The following GNAQ variants were observed in gnomAD, a reference collection of about 807,000 sequenced individuals.
GNAQ encodes guanine nucleotide-binding protein G(q) subunit alpha.
GNAQ carries 8 observed loss-of-function variants against 43.9 expected under a neutral mutation model. That is an observed-to-expected ratio of 0.18 (90% CI 0.11 to 0.33). The LOEUF (loss-of-function observed/expected upper bound fraction) is 0.33, where lower values mean the gene tolerates loss of function less well. Among genes scored for constraint, GNAQ ranks in the 10% least tolerant of loss-of-function variants. GNAQ has a pLI of 1.00. For synonymous variants in GNAQ, 155 were observed against 170.7 expected (o/e 0.91, Z 0.71); for missense variants, 158 against 450.8 (o/e 0.35, Z 5.88).
At chr9:77,950,928 AT>A (rs1822966625) in intron 1 of GNAQ, among the ~76,000 whole-genome samples, 1 of 152,138 alleles carries the variant, frequency 6.6e-6, no homozygotes. Flanking sequence ...AAACATCTAT[AT>A]TTAAAAAGGT....
intron 2 of GNAQ, among the ~76,000 whole-genome samples, chr9:77,825,061 C>A (rs945307774): frequency 3.9e-5 from 6 of 152,060 alleles, no homozygotes; most frequent in Admixed American, 3.9e-4. Flanking sequence ...TTGTGTCTTT[C>A]GTATTTTGTG....
intron 2 of GNAQ, among the ~76,000 whole-genome samples, chr9:77,849,867 T>C (rs1255137083): frequency 6.6e-6 from 1 of 152,194 alleles, no homozygotes; most frequent in African/African-American, 2.4e-5. Flanking sequence ...AGTCTCATCA[T>C]GTTGCCCAGG....
intron 1 of GNAQ, among the ~76,000 whole-genome samples, chr9:77,994,554 T>C (rs1191209039): frequency 1.3e-5 from 2 of 152,196 alleles, no homozygotes; most frequent in South Asian, 4.1e-4. Context: ...CCGGCAGCCA[T>C]ATTAATTTAA....
At chr9:77,880,128 T>C (rs1828186053) in intron 2 of GNAQ, among the ~76,000 whole-genome samples, 1 of 152,164 alleles carries the variant, frequency 6.6e-6, no homozygotes, top group Non-Finnish European at 1.5e-5. Flanking sequence ...ACAAGGAAGC[T>C]TGATGGCAAT....
chr9:77,756,343 A>G (rs938239157), intron 5 of GNAQ, among the ~76,000 whole-genome samples: 58 of 152,262 alleles, frequency 3.8e-4, no homozygotes, highest in African/African-American at 1.2e-3. Flanking sequence ...CTGAAAAGCC[A>G]TAACTGCAGA....
At chr9:77,804,625 CAAATCCAACCAGACACAATAGGAT>C (rs1826797284) in intron 3 of GNAQ, among the ~76,000 whole-genome samples, 1 of 152,160 alleles carries the variant, frequency 6.6e-6, no homozygotes, top group African/African-American at 2.4e-5. Context: ...AAATTTCATG[CAAATCCAACCAGACACAATAGGAT>C]AAATGAAATC....
chr9:77,894,653 C>T (rs1828471469), intron 2 of GNAQ, among the ~76,000 whole-genome samples: 1 of 150,960 alleles, frequency 6.6e-6, no homozygotes, highest in Non-Finnish European at 1.5e-5. Flanking sequence ...GATCCCTTGA[C>T]CTTGTGATCC....
At chr9:77,898,076 A>T (rs1828532484) in intron 2 of GNAQ, among the ~76,000 whole-genome samples, 1 of 152,206 alleles carries the variant, frequency 6.6e-6, no homozygotes, top group Admixed American at 6.5e-5. Context: ...ATGGAAGAGT[A>T]ATATCTGTAG....
chr9:77,844,662 T>C (rs763112817), intron 2 of GNAQ, among the ~76,000 whole-genome samples: 5 of 152,106 alleles, frequency 3.3e-5, no homozygotes, highest in Non-Finnish European at 7.4e-5. Context: ...CCTTTTTACA[T>C]TTTTTATTTA....
intron 2 of GNAQ, among the ~76,000 whole-genome samples, chr9:77,834,663 C>T (rs868019642): frequency 1.3e-5 from 2 of 152,136 alleles, no homozygotes; most frequent in Middle Eastern, 3.2e-3. Flanking sequence ...CAATCAGATT[C>T]CCAGCCTGGA....
At chr9:77,747,007 C>T (rs1307547609) in intron 5 of GNAQ, among the ~76,000 whole-genome samples, 3 of 151,798 alleles carry the variant, frequency 2.0e-5, no homozygotes, top group African/African-American at 7.3e-5. Context: ...GATTTTTAAA[C>T]TTAAAAAAAG....
chr9:77,893,066 A>G (rs1036298599), intron 2 of GNAQ, among the ~76,000 whole-genome samples: 2 of 152,080 alleles, frequency 1.3e-5, no homozygotes, highest in African/African-American at 2.4e-5. Context: ...AAGCTTCAAC[A>G]GGGTCATGAT....
chr9:77,741,415 A>T (rs543281848), intron 5 of GNAQ, among the ~76,000 whole-genome samples: 1 of 152,292 alleles, frequency 6.6e-6, no homozygotes, highest in African/African-American at 2.4e-5. Context: ...TCCCCCGATA[A>T]ATCTGTCATT....
chr9:78,010,262 A>C (rs182215731), intron 1 of GNAQ, among the ~76,000 whole-genome samples: 1 of 152,362 alleles, frequency 6.6e-6, no homozygotes, highest in African/African-American at 2.4e-5. Flanking sequence ...CAAGGGTGTC[A>C]TGAGGCCAAC....
intron 1 of GNAQ, among the ~76,000 whole-genome samples, chr9:77,934,911 G>C (rs754111370): frequency 1.3e-5 from 2 of 152,130 alleles, no homozygotes; most frequent in Non-Finnish European, 2.9e-5. Flanking sequence ...TGGATCATGA[G>C]GTCAAGAGTT....
At chr9:77,966,891 C>A (rs1372819677) in intron 1 of GNAQ, among the ~76,000 whole-genome samples, 1 of 152,152 alleles carries the variant, frequency 6.6e-6, no homozygotes, top group Admixed American at 6.5e-5. Context: ...TCTGGGCTGC[C>A]CACCAGGTCC....
At chr9:77,770,958 T>C (rs1402312966) in intron 5 of GNAQ, among the ~76,000 whole-genome samples, 1 of 150,562 alleles carries the variant, frequency 6.6e-6, no homozygotes, top group African/African-American at 2.5e-5. Context: ...TTTCATTTTC[T>C]GAAAAATATT....
intron 3 of GNAQ, among the ~76,000 whole-genome samples, chr9:77,800,578 G>C (rs1033180819): frequency 1.3e-5 from 2 of 152,090 alleles, no homozygotes; most frequent in African/African-American, 4.8e-5. Flanking sequence ...TGCTGTGGGG[G>C]GAGGGATAGC....
intron 1 of GNAQ, among the ~76,000 whole-genome samples, chr9:77,948,447 C>A (rs937362175): frequency 6.6e-6 from 1 of 152,022 alleles, no homozygotes; most frequent in African/African-American, 2.4e-5. Context: ...AGGCCTGACA[C>A]GGGACTACTC....
Sources: gnomAD v4.1 joint callset for allele counts (sites outside exome capture counted in the v4.1 genomes callset) on GRCh38, gnomAD v4.1.1 for gene constraint, MANE v1.5 for transcripts, NCBI Gene and HGNC (gene_info 2026-07-23, HGNC 2026-07-21) for gene names.